PTGR1: variants seen among roughly 807,000 people sequenced by gnomAD.
PTGR1 encodes the protein prostaglandin reductase 1.
In PTGR1, 23 loss-of-function variants were observed where a neutral mutation model predicts 37.7. The observed-to-expected ratio is 0.61, with a 90% CI of 0.44 to 0.86. The LOEUF is 0.86. Ranked by LOEUF, PTGR1 falls within the 40% of genes least tolerant of loss-of-function variation. PTGR1 has a pLI of 0.00. For missense variants in PTGR1, 351 were observed against 394.3 expected, an observed-to-expected ratio of 0.89 and a Z score of 0.93; for synonymous variants, 134 against 140.0, an observed-to-expected ratio of 0.96 and a Z score of 0.30.
chr9:111,553,899 G>A (rs1828043130), intron 9 of PTGR1, among the ~76,000 whole-genome samples: 1 of 152,106 alleles, frequency 6.6e-6, no homozygotes, highest in African/African-American at 2.4e-5. Flanking sequence ...ATTCCCCAGG[G>A]GTCTTTCCAG....
chr9:111,559,193 C>T (rs750372069), downstream of PTGR1, among the ~76,000 whole-genome samples: 1 of 152,190 alleles, frequency 6.6e-6, no homozygotes, highest in Non-Finnish European at 1.5e-5. Context: ...CACTCACTCG[C>T]ACGTGATACC....
At chr9:111,593,142 C>T (rs1829674758) in intron 3 of PTGR1, among the ~76,000 whole-genome samples, 160 bp from the exon 4 acceptor site, 2 of 151,920 alleles carry the variant, frequency 1.3e-5, no homozygotes, top group Non-Finnish European at 2.9e-5. Context: ...AGATGAAGGG[C>T]TACAACTAGG....
chr9:111,553,485 A>G (rs182524556), intron 9 of PTGR1, among the ~76,000 whole-genome samples: 50 of 152,322 alleles, frequency 3.3e-4, no homozygotes, highest in Non-Finnish European at 4.4e-4. Context: ...GGTATACTCT[A>G]TCTTGTGCTA....
Position 111,570,020 on chromosome 9 carries a change from C to CA in PTGR1, c.879+70dup, listed in dbSNP as rs749514357. On this transcript the variant is annotated intron_variant, in intron 9 of 9. Coordinates refer to ENST00000407693, the MANE Select transcript of PTGR1 (RefSeq NM_001146108.2). The stretch of plus-strand genomic sequence containing the variant: ...CAGAGATGGGGAAGAATTGGTAGAA[C>CA]AAAAGCCTTGAGAGGCAAAGGGAGT... 1.6e-5 allele frequency: 26 copies of CA among 1,597,832 alleles called. No homozygotes were observed. The African/African-American group carries it at 3.3e-4, about 21-fold the overall frequency.
At chr9:111,551,953 A>G (rs188788786) in intron 9 of PTGR1, among the ~76,000 whole-genome samples, 1 of 151,870 alleles carries the variant, frequency 6.6e-6, no homozygotes, top group Admixed American at 6.6e-5. Flanking sequence ...AATTTTGTGC[A>G]TATTGTCTCA....
chr9:111,552,968 T>C (rs1402229529), intron 9 of PTGR1, among the ~76,000 whole-genome samples: 3 of 152,196 alleles, frequency 2.0e-5, no homozygotes, highest in Admixed American at 6.5e-5. Context: ...CATCTAAGGT[T>C]CTTTGTAGAT....
chr9:111,557,323 G>A (rs1436554324), intron 9 of PTGR1, among the ~76,000 whole-genome samples: 3 of 151,540 alleles, frequency 2.0e-5, no homozygotes, highest in East Asian at 4.0e-4. Flanking sequence ...GCAGTGAGCC[G>A]AGATGGTGCC....
intron 2 of PTGR1, among the ~76,000 whole-genome samples, chr9:111,595,481 G>C (rs1304721529): frequency 6.6e-6 from 1 of 152,150 alleles, no homozygotes; most frequent in Non-Finnish European, 1.5e-5. Flanking sequence ...CATTTTGCTG[G>C]AGTGACTCTC....
chr9:111,557,859 G>A (rs1828169151), downstream of PTGR1, among the ~76,000 whole-genome samples: 1 of 152,168 alleles, frequency 6.6e-6, no homozygotes. Flanking sequence ...TTAAAACTAT[G>A]GAAGTAGGGC....
Position 111,562,885 on chromosome 9 carries a change from TACC to T in PTGR1, c.*233_*235del, listed in dbSNP as rs1828373574. 2.5e-6 allele frequency: 3 copies of T among 1,210,504 alleles called. No homozygotes were observed. Among genetic ancestry groups the T allele is most frequent in the African/African-American group, 3.1e-5 (2 of 65,504 alleles). 75.0% of individuals were successfully genotyped at this position (1,210,504 alleles called of 1,614,324 possible). A position where few individuals can be genotyped will look rare whatever the true frequency, so the allele number is the denominator to read the frequency against. ...TTCACACTTCAAAGCCATTATTTTC[TACC>T]ACAACTCAGAAGAAGCTGTAGTGAA... is the stretch of plus-strand genomic sequence containing the variant. On this transcript the variant is annotated 3_prime_UTR_variant, in exon 10 of 10. Transcript: ENST00000407693.
At chr9:111,566,207 A>G (rs886263790) in intron 9 of PTGR1, among the ~76,000 whole-genome samples, 1 of 150,700 alleles carries the variant, frequency 6.6e-6, no homozygotes, top group African/African-American at 2.5e-5. Context: ...CATGTCAAAA[A>G]TAAATAAATA....
At chr9:111,564,281 TTATTA>T (rs1466795054) in intron 9 of PTGR1, 3 of 297,506 alleles carry the variant, frequency 1.0e-5, no homozygotes, top group African/African-American at 5.5e-5. Flanking sequence ...TAAACTTTTA[TTATTA>T]TTATTATTAT....
intron 9 of PTGR1, 64 bp from the exon 10 acceptor site, chr9:111,563,295 A>C: frequency 1.3e-5 from 19 of 1,441,860 alleles, no homozygotes; most frequent in East Asian, 2.4e-5. Flanking sequence ...TACTGTTCTC[A>C]TCCTAGCAAC....
chr9:111,597,515 A>C, intron 1 of PTGR1, 83 bp from the exon 2 acceptor site: 1 of 772,420 alleles, frequency 1.3e-6, no homozygotes, highest in Non-Finnish European at 2.1e-6. Context: ...GAGACCAGAC[A>C]GCACAATTAC....
At chr9:111,574,403 G>A (rs898794512) in intron 8 of PTGR1, 5 of 160,758 alleles carry the variant, frequency 3.1e-5, no homozygotes, top group African/African-American at 9.6e-5. Flanking sequence ...AGGCTGGAGT[G>A]CAGTGGCAGG....
At position 111,596,385 on chromosome 9, in the gene PTGR1, C is replaced by T. The variant is rs536574944; in HGVS notation, c.106+932G>A. ...ATCCCAGCACTTTGGGAGGTCAAGGCGGGCTGATCATCTAAGGTCAGGAGT... is the reference window on the plus strand; with the variant it reads ...ATCCCAGCACTTTGGGAGGTCAAGGTGGGCTGATCATCTAAGGTCAGGAGT... On this transcript the variant is annotated intron_variant, in intron 2 of 9. Coordinates refer to ENST00000407693, the MANE Select transcript of PTGR1 (RefSeq NM_001146108.2). Among the ~76,000 whole-genome samples the T allele has an allele frequency of 1.2e-4, 18 of 152,100 alleles. No homozygotes were observed. In the South Asian group the frequency reaches 1.5e-3, roughly 12 times the overall value.
intron 7 of PTGR1, among the ~76,000 whole-genome samples, 167 bp from the exon 8 acceptor site, chr9:111,575,009 A>G (rs555994770): frequency 6.6e-6 from 1 of 152,342 alleles, no homozygotes; most frequent in South Asian, 2.1e-4. Flanking sequence ...CATTAGAAAC[A>G]GGCATTTTCG....
chr9:111,583,221 G>C (rs1829332100), intron 6 of PTGR1, among the ~76,000 whole-genome samples: 1 of 152,222 alleles, frequency 6.6e-6, no homozygotes, highest in African/African-American at 2.4e-5. Context: ...ATATGAAAAT[G>C]ATAAATGCCG....
chr9:111,595,684 A>G (rs1829759670), intron 2 of PTGR1, among the ~76,000 whole-genome samples: 1 of 152,000 alleles, frequency 6.6e-6, no homozygotes, highest in African/African-American at 2.4e-5. Flanking sequence ...CCCAGGCTGG[A>G]GTGCAGTGGC....
Sources: gnomAD v4.1 joint callset for allele counts (sites outside exome capture counted in the v4.1 genomes callset) on GRCh38, gnomAD v4.1.1 for gene constraint, MANE v1.5 for transcripts, NCBI Gene and HGNC (gene_info 2026-07-23, HGNC 2026-07-21) for gene names.